Variants in IQCM observed in about 807,000 individuals in gnomAD.
IQCM encodes the protein IQ motif containing M, also known as IQ domain-containing protein M.
A neutral mutation model predicts 57.6 loss-of-function variants in IQCM; 45 were observed. That is an observed-to-expected ratio of 0.78 (90% CI 0.62 to 1.00). IQCM has a LOEUF of 1.00. Ranked by LOEUF, IQCM falls within the 50% of genes least tolerant of loss-of-function variation. IQCM has a pLI of 0.00. For missense variants in IQCM, 468 were observed against 511.6 expected (o/e 0.91, Z 0.82); for synonymous variants, 148 against 158.9 (o/e 0.93, Z 0.51).
At chr4:149,494,185 G>T (rs759181057) in intron 12 of IQCM, among the ~76,000 whole-genome samples, 1 of 151,970 alleles carries the variant, frequency 6.6e-6, no homozygotes, top group East Asian at 1.9e-4. Context: ...CGTTTTTAAC[G>T]GCTAACATTT....
At chr4:149,784,228 A>G (rs1316855854) in intron 2 of IQCM, among the ~76,000 whole-genome samples, 1 of 152,154 alleles carries the variant, frequency 6.6e-6, no homozygotes, top group Non-Finnish European at 1.5e-5. Flanking sequence ...CTCATCTTCC[A>G]TTGTCTATAT....
chr4:149,626,603 C>T lies in IQCM; in HGVS notation c.566-5359G>A, dbSNP rs146357848. Among the ~76,000 whole-genome samples, 47 of 151,688 alleles carry T rather than the reference C, an allele frequency of 3.1e-4. No individual in the cohort carries two copies. The East Asian group carries it at 9.0e-3, about 29-fold the overall frequency. On this transcript the variant is annotated intron_variant, in intron 7 of 13. Transcript: ENST00000636793. ...CTTTCTGAATTGCCAAGTATTTGAA[C>T]AAGTTTGGTAGATACTTTGAAGCTA...
At chr4:149,553,404 A>T (rs1343739626) in intron 10 of IQCM, 117 bp from the exon 11 acceptor site, 1 of 824,704 alleles carries the variant, frequency 1.2e-6, no homozygotes, top group Non-Finnish European at 1.6e-6. Context: ...TTTATTGTTT[A>T]TTGCCTAGGT....
chr4:149,498,871 G>A (rs1742942129), intron 12 of IQCM, among the ~76,000 whole-genome samples: 1 of 152,006 alleles, frequency 6.6e-6, no homozygotes, highest in African/African-American at 2.4e-5. Context: ...TAGGGTGCAT[G>A]GAAGAAATAT....
chr4:149,481,706 T>TTTGTTTTTTTTTTTG (rs1740867576), intron 12 of IQCM, among the ~76,000 whole-genome samples: 1 of 133,370 alleles, frequency 7.5e-6, no homozygotes, highest in African/African-American at 2.8e-5. Flanking sequence ...GTTTTGTTTT[T>TTTGTTTTTTTTTTTG]TTTTTTTTTT....
intron 9 of IQCM, among the ~76,000 whole-genome samples, chr4:149,575,705 T>C (rs1275137451): frequency 6.6e-6 from 1 of 151,840 alleles, no homozygotes; most frequent in African/African-American, 2.4e-5. Flanking sequence ...TGATATCCCA[T>C]TTAAAATCTC....
At chr4:149,785,684 A>T (rs773995553) in intron 2 of IQCM, among the ~76,000 whole-genome samples, 20 of 152,118 alleles carry the variant, frequency 1.3e-4, no homozygotes, top group Non-Finnish European at 2.9e-4. Flanking sequence ...AATTTTTCTA[A>T]CCTTAGATCT....
intron 12 of IQCM, among the ~76,000 whole-genome samples, chr4:149,497,333 G>A (rs900588428): frequency 2.0e-5 from 3 of 152,156 alleles, no homozygotes; most frequent in Non-Finnish European, 4.4e-5. Context: ...CTCTCCAGAA[G>A]GCCAGATATT....
intron 7 of IQCM, among the ~76,000 whole-genome samples, chr4:149,655,125 G>A (rs1046697586): frequency 6.6e-6 from 1 of 152,006 alleles, no homozygotes; most frequent in Non-Finnish European, 1.5e-5. Context: ...ATTTTTAAAT[G>A]TTATATTTCA....
intron 7 of IQCM, among the ~76,000 whole-genome samples, chr4:149,638,474 C>A (rs1033114243): frequency 6.6e-6 from 1 of 151,584 alleles, no homozygotes; most frequent in Admixed American, 6.6e-5. Flanking sequence ...AAGCTTTATA[C>A]TAGATAAAAC....
At chr4:149,775,421 A>G (rs1309422181) in intron 2 of IQCM, among the ~76,000 whole-genome samples, 1 of 152,208 alleles carries the variant, frequency 6.6e-6, no homozygotes, top group Non-Finnish European at 1.5e-5. Context: ...CTCCTGATTA[A>G]GAGACAAAAA....
At chr4:149,649,402 C>T (rs1331299301) in intron 7 of IQCM, among the ~76,000 whole-genome samples, 1 of 152,082 alleles carries the variant, frequency 6.6e-6, no homozygotes, top group Non-Finnish European at 1.5e-5. Context: ...TCAACAATGC[C>T]TTCATGGCAT....
At chr4:149,714,545 G>A (rs1764834815) in intron 5 of IQCM, among the ~76,000 whole-genome samples, 1 of 152,088 alleles carries the variant, frequency 6.6e-6, no homozygotes, top group Admixed American at 6.6e-5. Flanking sequence ...ATCTGAGGGT[G>A]GATACATTGA....
At chr4:149,596,929 A>C (rs2150023659) in intron 8 of IQCM, among the ~76,000 whole-genome samples, 1 of 152,274 alleles carries the variant, frequency 6.6e-6, no homozygotes, top group East Asian at 1.9e-4. Context: ...TTAGCTCAAA[A>C]TCAGGAAATT....
chr4:149,415,334 A>G (rs959950310), intron 13 of IQCM, among the ~76,000 whole-genome samples: 14 of 152,180 alleles, frequency 9.2e-5, no homozygotes, highest in African/African-American at 3.4e-4. Flanking sequence ...TGACTGGGGA[A>G]TCTTGTGCAA....
At chr4:149,662,924 G>A (rs941601317) in intron 7 of IQCM, among the ~76,000 whole-genome samples, 6 of 151,918 alleles carry the variant, frequency 3.9e-5, no homozygotes, top group Non-Finnish European at 8.8e-5. Flanking sequence ...TGATAGATAA[G>A]AACTTACTCC....
intron 10 of IQCM, among the ~76,000 whole-genome samples, chr4:149,555,390 A>G (rs1242826829): frequency 1.3e-5 from 2 of 152,184 alleles, no homozygotes; most frequent in African/African-American, 4.8e-5. Flanking sequence ...AACTTCATCC[A>G]TTATCTCCAC....
At chr4:149,620,586 T>C (rs1353842098) in intron 8 of IQCM, among the ~76,000 whole-genome samples, 1 of 152,254 alleles carries the variant, frequency 6.6e-6, no homozygotes, top group Non-Finnish European at 1.5e-5. Flanking sequence ...GAGTTTCTTC[T>C]ACTATTCACA....
intron 8 of IQCM, among the ~76,000 whole-genome samples, chr4:149,602,483 T>C: frequency 6.6e-6 from 1 of 152,148 alleles, no homozygotes; most frequent in Non-Finnish European, 1.5e-5. Flanking sequence ...CTTACCCTCT[T>C]TTATTAATTG....
Sources: gnomAD v4.1 joint callset for allele counts (sites outside exome capture counted in the v4.1 genomes callset) on GRCh38, gnomAD v4.1.1 for gene constraint, MANE v1.5 for transcripts, NCBI Gene and HGNC (gene_info 2026-07-23, HGNC 2026-07-21) for gene names.